The following BAHCC1 variants were observed in gnomAD, a reference collection of about 807,000 sequenced individuals.
The protein encoded by BAHCC1 is BAH domain and coiled-coil containing 1.
BAHCC1 carries 43 observed loss-of-function variants against 88.2 expected under a neutral mutation model. The ratio of observed to expected loss-of-function variants is 0.49; its 90% confidence interval spans 0.38 to 0.63. The LOEUF is 0.63. Ranked by LOEUF, BAHCC1 falls within the 20% of genes least tolerant of loss-of-function variation. BAHCC1 has a pLI of 0.00. For missense variants in BAHCC1, 3,023 were observed against 1,654.8 expected (o/e 1.83, Z -14.34); for synonymous variants, 1,510 against 745.5 (o/e 2.03, Z -16.71).
chr17:81,456,731 G>A, intron 16 of BAHCC1, 146 bp downstream of exon 16: 1 of 577,862 alleles, frequency 1.7e-6, no homozygotes, highest in South Asian at 2.2e-5. Flanking sequence ...CGTTTTCACT[G>A]AACAGGCTGG....
chr17:81,445,827 T>A, intron 10 of BAHCC1, 146 bp downstream of exon 10: 1 of 598,814 alleles, frequency 1.7e-6, no homozygotes, highest in Non-Finnish European at 3.0e-6. Flanking sequence ...TCCCTTCCTC[T>A]CTCTTCCCTC....
Position 81,442,428 on chromosome 17 carries a change from C to T in BAHCC1, c.1079C>T (p.Ala360Val). The change falls in exon 5 of 28, where the codon GCC becomes GTC. Residue 360 changes from alanine to valine, a missense_variant. Coordinates refer to ENST00000675386, the MANE Select transcript of BAHCC1 (RefSeq NM_001377448.1). ...GGGCCACCCCCGCCCCTCAGCACAGCCGCCGGCTCCTTCCCCTGCCTGCAG... is the reference window on the plus strand; with the variant it reads ...GGGCCACCCCCGCCCCTCAGCACAGTCGCCGGCTCCTTCCCCTGCCTGCAG... ...YAGPPPPLST[A>V]AGSFPCLQLH... 1 of 705,766 alleles carries T rather than the reference C, an allele frequency of 1.4e-6. No homozygotes were observed. Among genetic ancestry groups the T allele is most frequent in the Non-Finnish European group, 2.6e-6 (1 of 380,876 alleles). The allele number at this position is 705,766 out of a possible 1,614,324, so 43.7% of individuals were successfully genotyped here.
intron 2 of BAHCC1, among the ~76,000 whole-genome samples, chr17:81,403,945 C>T (rs993364053): frequency 1.3e-5 from 2 of 152,236 alleles, no homozygotes; most frequent in Non-Finnish European, 2.9e-5. Flanking sequence ...ACGGAGCCGC[C>T]GCGCTTTCTG....
At chr17:81,402,243 T>C (rs1555646185) in intron 2 of BAHCC1, 1 of 152,232 alleles carries the variant, frequency 6.6e-6, no homozygotes. Context: ...GTTCAACCCA[T>C]TTGTGATGGG....
In BAHCC1 at chr17:81,459,479, C is replaced by G. The variant is rs782568041; in HGVS notation, c.5797-17C>G. 2.6e-6 allele frequency: 2 copies of G among 778,610 alleles called. No homozygotes were observed. Among genetic ancestry groups the G allele is most frequent in the South Asian group, 2.7e-5 (2 of 74,578 alleles). 48.2% of individuals were successfully genotyped at this position (778,610 alleles called of 1,614,324 possible). A position where few individuals can be genotyped will look rare whatever the true frequency, so the allele number is the denominator to read the frequency against. On this transcript the variant is annotated splice_polypyrimidine_tract_variant and intron_variant, in intron 22 of 27. Coordinates refer to ENST00000675386, the MANE Select transcript of BAHCC1 (RefSeq NM_001377448.1). ...CAGGCCCCACCTGCTCATGGGTCGTCGCCCGCGTTCCTGCAGGTTCTCGAT... is the reference window on the plus strand; with the variant it reads ...CAGGCCCCACCTGCTCATGGGTCGTGGCCCGCGTTCCTGCAGGTTCTCGAT...
Position 81,461,971 on chromosome 17 carries a change from C to T in BAHCC1, c.7308C>T (p.Ser2436=), listed in dbSNP as rs537007795. The change falls in exon 26 of 28, where the codon TCC becomes TCT. Residue 2436 remains serine (S), a synonymous_variant. Transcript: ENST00000675386. ...KELSRRQRPP[S]VENRPKISAF... ...TCTCCCGGAGGCAGCGGCCGCCCTC[C>T]GTGGAAAACCGGCCAAAGATCTCAG... 77 of 774,796 alleles carry T rather than the reference C, an allele frequency of 9.9e-5. No individual in the cohort carries two copies. Among genetic ancestry groups the T allele is most frequent in the South Asian group, 8.2e-5 (6 of 73,526 alleles). The allele number at this position is 774,796 out of a possible 1,614,324, so 48.0% of individuals were successfully genotyped here. A position where few individuals can be genotyped will look rare whatever the true frequency, so the allele number is the denominator to read the frequency against.
intron 10 of BAHCC1, chr17:81,446,813 A>G: frequency 1.5e-6 from 1 of 679,814 alleles, no homozygotes; most frequent in Admixed American, 2.0e-5. Context: ...TCAGCCTCCC[A>G]AAGTTTTGGG....
chr17:81,422,367 T>C (rs2064126347), intron 2 of BAHCC1, among the ~76,000 whole-genome samples: 1 of 152,174 alleles, frequency 6.6e-6, no homozygotes, highest in African/African-American at 2.4e-5. Flanking sequence ...ACATAATGTT[T>C]GTATGACAAG....
At chr17:81,405,001 C>T (rs2063861666) in intron 2 of BAHCC1, among the ~76,000 whole-genome samples, 1 of 152,200 alleles carries the variant, frequency 6.6e-6, no homozygotes, top group Admixed American at 6.5e-5. Flanking sequence ...AGAAAAGCCA[C>T]TGTGGATATG....
rs972477704 is a variant in BAHCC1 at position 81,464,457 on chromosome 17, C to G, written c.*640C>G. The G allele has an allele frequency of 6.5e-6, 1 of 154,550 alleles. No homozygotes were observed. The allele number at this position is 154,550 out of a possible 1,614,324, so 9.6% of individuals were successfully genotyped here. A position where few individuals can be genotyped will look rare whatever the true frequency, so the allele number is the denominator to read the frequency against. On this transcript the variant is annotated 3_prime_UTR_variant, in exon 28 of 28. Transcript: ENST00000675386. Reference sequence around the variant, plus strand: ...GGTCAGGTGGGACCCTTGACGGCACCCTCTGATCTCTTGGGGGGACGACCG... The same window carrying G: ...GGTCAGGTGGGACCCTTGACGGCACGCTCTGATCTCTTGGGGGGACGACCG...
Position 81,457,410 on chromosome 17 carries a change from G to A in BAHCC1, c.4859G>A (p.Gly1620Asp). Residue 1620 changes from glycine to aspartate, a missense_variant and splice_region_variant, in exon 17 of 28, where the codon GGC becomes GAC. Transcript: ENST00000675386. ...CAGGACCCCTCTGCCTCTCTCCCAG[G>A]CAGTGGCTATGACAGTGAGGACTGC... ...QPSVAASQEAGSGYDSEDCEG... is the reference protein window; with the variant it reads ...QPSVAASQEADSGYDSEDCEG... 1.3e-6 allele frequency: 1 copy of A among 767,760 alleles called. No homozygotes were observed. The highest frequency in any genetic ancestry group is 1.4e-5 in the South Asian group (1 of 72,314). 47.6% of individuals were successfully genotyped at this position (767,760 alleles called of 1,614,324 possible).
At position 81,460,555 on chromosome 17, in the gene BAHCC1, A is replaced by G. The variant is rs2030159418; in HGVS notation, c.6051A>G (p.Leu2017=). The G allele has an allele frequency of 1.3e-6, 1 of 763,942 alleles. No individual in the cohort carries two copies. The highest frequency in any genetic ancestry group is 1.4e-5 in the South Asian group (1 of 72,174). 47.3% of individuals were successfully genotyped at this position (763,942 alleles called of 1,614,324 possible). Residue 2017 remains leucine (L), a synonymous_variant, in exon 25 of 28, where the codon CTA becomes CTG. Transcript: ENST00000675386. ...GCACAGAGCCCTCTCCAGCCCTGCT[A>G]GTGTCTAGCAGCTGCCGGAGGACCA... ...IQCTEPSPAL[L]VSSSCRRTKK...
Position 81,461,268 on chromosome 17 carries a change from C to A in BAHCC1, c.6605C>A (p.Ala2202Glu). 1 of 698,702 alleles carries A rather than the reference C, an allele frequency of 1.4e-6. No homozygotes were observed. Among genetic ancestry groups the A allele is most frequent in the South Asian group, 1.6e-5 (1 of 64,260 alleles). 43.3% of individuals were successfully genotyped at this position (698,702 alleles called of 1,614,324 possible). A position where few individuals can be genotyped will look rare whatever the true frequency, so the allele number is the denominator to read the frequency against. Reference sequence around the variant, plus strand: ...GCCGAGAAGGGTGGGCGGCGGCGGGCGGGCGGTGAGTTCCTGGTCAAGCTG... The same window carrying A: ...GCCGAGAAGGGTGGGCGGCGGCGGGAGGGCGGTGAGTTCCTGGTCAAGCTG... ...VEAEKGGRRRAGGEFLVKLDH... is the reference protein window; with the variant it reads ...VEAEKGGRRREGGEFLVKLDH... The change falls in exon 26 of 28, where the codon GCG becomes GAG. Residue 2202 changes from alanine to glutamate, a missense_variant. Ala to Glu is a moderately radical substitution (Grantham distance 107). Transcript: ENST00000675386.
chr17:81,455,538 C>T (rs2064733017), intron 15 of BAHCC1, 148 bp downstream of exon 15: 1 of 609,832 alleles, frequency 1.6e-6, no homozygotes, highest in South Asian at 1.9e-5. Context: ...GCGCCGACAG[C>T]AGGAGGAGGA....
rs966049197 is a variant in BAHCC1, at chr17:81,409,252, C to T, written c.178+9335C>T. ...TCATGGCGGCTCCTGAGGCTGTGTGCGCTACACCTTAAAGGGTGTCAGAGC... is the reference window on the plus strand; with the variant it reads ...TCATGGCGGCTCCTGAGGCTGTGTGTGCTACACCTTAAAGGGTGTCAGAGC... On this transcript the variant is annotated intron_variant, in intron 2 of 27. Coordinates refer to ENST00000675386, the MANE Select transcript of BAHCC1 (RefSeq NM_001377448.1). Among the ~76,000 whole-genome samples, 6 of 152,196 alleles carry T rather than the reference C, an allele frequency of 3.9e-5. No individual in the cohort carries two copies. The East Asian group carries it at 9.6e-4, about 24-fold the overall frequency.
intron 2 of BAHCC1, chr17:81,401,541 C>T (rs1555646045): frequency 4.6e-5 from 7 of 152,650 alleles, no homozygotes; most frequent in Non-Finnish European, 1.0e-4. Flanking sequence ...GCTGCCCACC[C>T]GGCTCAGGTG....
chr17:81,462,384 T>C (rs2030375574), intron 26 of BAHCC1, among the ~76,000 whole-genome samples: 1 of 152,208 alleles, frequency 6.6e-6, no homozygotes, highest in Non-Finnish European at 1.5e-5. Flanking sequence ...CTCAGATGCC[T>C]GCGTCTGTCC....
rs782739145 is a variant in BAHCC1 at position 81,399,804 on chromosome 17, G to A, written c.65G>A (p.Arg22His). Residue 22 changes from arginine (R) to histidine (H), a missense_variant, in exon 2 of 28, where the codon CGC (arginine) becomes CAC (histidine). Arg to His is a conservative substitution (Grantham distance 29, BLOSUM62 0). Transcript: ENST00000675386. This position sits in a 1 kb window ranked among gnomAD's most constrained non-coding sequence, Gnocchi z 4.5. ...LLSERGSLGH[R>H]SAAAAARLAP... The stretch of plus-strand genomic sequence containing the variant: ...TCGGAGCGCGGGAGCCTGGGCCACC[G>A]CAGCGCCGCTGCCGCCGCGCGTCTC... 1 of 1,305,148 alleles carries A rather than the reference G, an allele frequency of 7.7e-7. No individual in the cohort carries two copies. Among genetic ancestry groups the A allele is most frequent in the Non-Finnish European group, 9.7e-7 (1 of 1,028,876 alleles). The allele number at this position is 1,305,148 out of a possible 1,614,324, so 80.8% of individuals were successfully genotyped here.
In BAHCC1 at chr17:81,463,703, G is replaced by C; in HGVS notation, c.7713G>C (p.Gln2571His). ...TCGTGGCGCGCGAGCAGTATGAGCA[G>C]ATGGCCCGGAGCCGCAAGTGCCAGG... ...CQVVAREQYE[Q>H]MARSRKCQDR... is the part of the protein sequence containing the mutation. Residue 2571 changes from glutamine (Q) to histidine (H), a missense_variant, in exon 28 of 28, where the codon CAG becomes CAC. Physicochemically the swap from Gln to His is conservative, Grantham distance 24 (BLOSUM62 0). Coordinates refer to ENST00000675386, the MANE Select transcript of BAHCC1 (RefSeq NM_001377448.1). 1.3e-6 allele frequency: 1 copy of C among 779,630 alleles called. No individual in the cohort carries two copies. Among genetic ancestry groups the C allele is most frequent in the Non-Finnish European group, 2.4e-6 (1 of 417,894 alleles). 48.3% of individuals were successfully genotyped at this position (779,630 alleles called of 1,614,324 possible). A position where few individuals can be genotyped will look rare whatever the true frequency, so the allele number is the denominator to read the frequency against.
Sources: allele counts gnomAD v4.1 joint callset (sites outside exome capture counted in the v4.1 genomes callset), GRCh38; gene constraint gnomAD v4.1.1; non-coding constraint Gnocchi (gnomAD v3.1); transcripts MANE v1.5; gene names NCBI Gene and HGNC (gene_info 2026-07-23, HGNC 2026-07-21).